APBB2: variants seen among roughly 807,000 people sequenced by gnomAD.
APBB2 encodes the protein amyloid beta precursor protein binding family B member 2, also known as Fe65-like 1.
A neutral mutation model predicts 82.5 loss-of-function variants in APBB2; 38 were observed. The observed-to-expected ratio is 0.46, with a 90% CI of 0.36 to 0.60. The LOEUF (loss-of-function observed/expected upper bound fraction) is 0.60, where lower values mean the gene tolerates loss of function less well. APBB2 is among the 20% of genes least tolerant of loss of function. The pLI, the probability that APBB2 is intolerant of heterozygous loss-of-function variation, is 0.00. For synonymous variants in APBB2, 341 were observed against 368.2 expected (o/e 0.93, Z 0.85); for missense variants, 772 against 972.3 (o/e 0.79, Z 2.74).
Position 40,897,448 on chromosome 4 carries a change from G to A in APBB2, c.1255-4037C>T, listed in dbSNP as rs111670720. Among the ~76,000 whole-genome samples, 686 of 152,166 alleles carry A rather than the reference G, an allele frequency of 4.5e-3. 8 individuals carry two copies. Among genetic ancestry groups the A allele is most frequent in the African/African-American group, 0.016 (656 of 41,500 alleles). On this transcript the variant is annotated intron_variant, in intron 10 of 17. Coordinates refer to ENST00000508593, the MANE Select transcript of APBB2 (RefSeq NM_004307.2). The stretch of plus-strand genomic sequence containing the variant: ...CAAAAGAATCGTTTGAACCCGGGAG[G>A]CGGAGGCTGCAGTGAGCCGAGATCG...
intron 10 of APBB2, among the ~76,000 whole-genome samples, chr4:40,907,671 C>CTTTTTT: frequency 1.1e-5 from 1 of 94,866 alleles, no homozygotes; most frequent in Non-Finnish European, 2.0e-5. Context: ...GTGCCTGACC[C>CTTTTTT]TTTTTTTTTT....
intron 1 of APBB2, among the ~76,000 whole-genome samples, chr4:41,167,448 G>C (rs955697335): frequency 6.6e-5 from 10 of 152,184 alleles, no homozygotes; most frequent in African/African-American, 2.2e-4. Flanking sequence ...ATTAGCACGT[G>C]AAAGACACTC....
chr4:40,837,279 G>C (rs1311642745), intron 12 of APBB2, among the ~76,000 whole-genome samples: 7 of 152,232 alleles, frequency 4.6e-5, no homozygotes. Flanking sequence ...GGACACGGGG[G>C]CTGGCTGGTC....
At chr4:41,175,095 G>A (rs956187371) in intron 1 of APBB2, among the ~76,000 whole-genome samples, 6 of 152,172 alleles carry the variant, frequency 3.9e-5, no homozygotes, top group African/African-American at 1.4e-4. Flanking sequence ...CTCAAGACAA[G>A]CTTGTCACCA....
chr4:41,103,681 GAATTACAAC>G (rs1746202028), intron 2 of APBB2, among the ~76,000 whole-genome samples: 1 of 152,100 alleles, frequency 6.6e-6, no homozygotes, highest in South Asian at 2.1e-4. Context: ...ACAAATGGTA[GAATTACAAC>G]AGAGTAATTT....
chr4:40,894,367 T>G (rs1773054422), intron 10 of APBB2, among the ~76,000 whole-genome samples: 1 of 152,142 alleles, frequency 6.6e-6, no homozygotes, highest in Non-Finnish European at 1.5e-5. Flanking sequence ...CTCCTGATAC[T>G]TCTTATAAGG....
intron 11 of APBB2, among the ~76,000 whole-genome samples, chr4:40,891,215 A>C (rs1350117088): frequency 6.6e-6 from 1 of 152,118 alleles, no homozygotes; most frequent in Non-Finnish European, 1.5e-5. Context: ...ACAGGGGAAC[A>C]CCCAGGTTTC....
intron 4 of APBB2, among the ~76,000 whole-genome samples, chr4:41,042,747 G>C (rs1721998806): frequency 6.8e-6 from 1 of 146,798 alleles, no homozygotes; most frequent in Non-Finnish European, 1.5e-5. Context: ...CAGCAGATCT[G>C]TCTACTACCC....
chr4:40,818,537 C>T (rs1177887704), intron 17 of APBB2, among the ~76,000 whole-genome samples: 2 of 152,258 alleles, frequency 1.3e-5, no homozygotes, highest in African/African-American at 2.4e-5. Context: ...CATCCATTTT[C>T]GCTTGGCTGA....
chr4:40,907,377 ATATTTTTT>A lies in APBB2; in HGVS notation c.1255-13974_1255-13967del, dbSNP rs1217431230. Among the ~76,000 whole-genome samples the A allele has an allele frequency of 4.0e-3, 113 of 28,230 alleles. 1 individual carries two copies. Among genetic ancestry groups the A allele is most frequent in the African/African-American group, 0.019 (98 of 5,164 alleles). The allele number at this position is 28,230 out of a possible 152,430, so 18.5% of individuals were successfully genotyped here. On this transcript the variant is annotated intron_variant, in intron 10 of 17. Coordinates refer to ENST00000508593, the MANE Select transcript of APBB2 (RefSeq NM_004307.2). ...TATATATATATATATATATATATAT[ATATTTTTT>A]TTTTTTTTTTTTTTTAGACAGAGTC...
chr4:40,949,007 G>A (rs1456133528), intron 6 of APBB2, among the ~76,000 whole-genome samples: 4 of 152,026 alleles, frequency 2.6e-5, no homozygotes, highest in Admixed American at 6.6e-5. Context: ...GGCCAGGCAC[G>A]GTGGCTCATG....
chr4:40,856,214 C>T lies in APBB2; in HGVS notation c.1530-25637G>A, dbSNP rs544835772. 2.7e-3 allele frequency among the ~76,000 whole-genome samples: 408 copies of T among 152,330 alleles called. 2 individuals are homozygous for T. The highest frequency in any genetic ancestry group is 9.3e-3 in the African/African-American group (386 of 41,578). On this transcript the variant is annotated intron_variant, in intron 12 of 17. Transcript: ENST00000508593. ...GACTAATGGGATTGCCCCCTCCTTC[C>T]GCCTTCTCCCACCCAAGGCAGTAAT...
intron 5 of APBB2, among the ~76,000 whole-genome samples, chr4:41,016,067 TC>T (rs1809841363): frequency 6.6e-6 from 1 of 151,120 alleles, no homozygotes; most frequent in African/African-American, 2.4e-5. Flanking sequence ...CATGAAGTTT[TC>T]CCTGAGACAC....
intron 2 of APBB2, among the ~76,000 whole-genome samples, chr4:41,123,029 C>G (rs1423216391): frequency 6.6e-6 from 1 of 152,156 alleles, no homozygotes; most frequent in Admixed American, 6.5e-5. Context: ...GTCACAAATT[C>G]CTACTCACCT....
chr4:41,120,031 C>T (rs1752321188), intron 2 of APBB2, among the ~76,000 whole-genome samples: 1 of 152,130 alleles, frequency 6.6e-6, no homozygotes, highest in Non-Finnish European at 1.5e-5. Flanking sequence ...AAGATGTCAT[C>T]ACCATTATAT....
chr4:41,076,448 C>G (rs1044728185), intron 3 of APBB2, among the ~76,000 whole-genome samples: 36 of 152,128 alleles, frequency 2.4e-4, no homozygotes, highest in African/African-American at 8.7e-4. Flanking sequence ...GGTGGAGGGA[C>G]TGACTGAAAA....
intron 6 of APBB2, among the ~76,000 whole-genome samples, chr4:40,981,951 C>T (rs921143466): frequency 2.0e-5 from 3 of 151,752 alleles, no homozygotes; most frequent in South Asian, 2.1e-4. Context: ...TTTGGGAGGC[C>T]GAGAAGGGAG....
chr4:40,934,280 T>C (rs1197421491), intron 10 of APBB2, among the ~76,000 whole-genome samples, 176 bp downstream of exon 10: 1 of 152,128 alleles, frequency 6.6e-6, no homozygotes, highest in African/African-American at 2.4e-5. Context: ...CCCCCAAACC[T>C]AACTTAGCCT....
chr4:40,907,343 TATTAC>T, intron 10 of APBB2, among the ~76,000 whole-genome samples: 5 of 91,290 alleles, frequency 5.5e-5, no homozygotes, highest in African/African-American at 2.3e-4. Context: ...TAATTTAATA[TATTAC>T]ATATATATAT....
Sources: gnomAD v4.1 joint callset for allele counts (sites outside exome capture counted in the v4.1 genomes callset) on GRCh38, gnomAD v4.1.1 for gene constraint, MANE v1.5 for transcripts, NCBI Gene and HGNC (gene_info 2026-07-23, HGNC 2026-07-21) for gene names.